Variants in RPTOR observed in about 807,000 individuals in gnomAD.
The protein encoded by RPTOR is regulatory-associated protein of mTOR.
A neutral mutation model predicts 169.9 loss-of-function variants in RPTOR; 21 were observed. The observed-to-expected ratio is 0.12, with a 90% CI of 0.09 to 0.18. RPTOR has a LOEUF of 0.18. Ranked by LOEUF, RPTOR falls within the 10% of genes least tolerant of loss-of-function variation. The probability of loss-of-function intolerance (pLI) is 1.00; values close to 1 mark genes in which losing one functional copy is unlikely to be tolerated. For missense variants in RPTOR, 1,133 were observed against 1,855.9 expected, an observed-to-expected ratio of 0.61 and a Z score of 7.16; for synonymous variants, 732 against 753.2, an observed-to-expected ratio of 0.97 and a Z score of 0.46.
chr17:80,746,548 C>T lies in RPTOR; in HGVS notation c.655-7462C>T, dbSNP rs2066577495. 6.6e-6 allele frequency among the ~76,000 whole-genome samples: 1 copy of T among 152,220 alleles called. No homozygotes were observed. The highest frequency in any genetic ancestry group is 2.4e-5 in the African/African-American group (1 of 41,460). ...TCCTTCCCAAATCCTCCAGAAGACT[C>T]TGGAGAGCATTGGAAGATGAGAGTC... On this transcript the variant is annotated intron_variant, in intron 5 of 33. Coordinates refer to ENST00000306801, the MANE Select transcript of RPTOR (RefSeq NM_020761.3). The surrounding 1 kb of genome is among the most constrained non-coding windows in gnomAD (Gnocchi z 4.5).
chr17:80,884,865 G>A, intron 16 of RPTOR, 143 bp from the exon 17 acceptor site: 1 of 1,135,256 alleles, frequency 8.8e-7, no homozygotes, highest in South Asian at 1.6e-5. Flanking sequence ...CACTCTGATA[G>A]TGCGAGGAGA....
Position 80,736,448 on chromosome 17 carries a change from C to T in RPTOR, c.654+5742C>T, listed in dbSNP as rs538199212. Among the ~76,000 whole-genome samples the T allele has an allele frequency of 2.0e-5, 3 of 152,310 alleles. No homozygotes were observed. The South Asian group carries it at 6.2e-4, about 32-fold the overall frequency. ...TGACTTAACCGCCCCCCGCCCCTAC[C>T]AATGTGAAAACCTATACTTAAACTG... On this transcript the variant is annotated intron_variant, in intron 5 of 33. Coordinates refer to ENST00000306801, the MANE Select transcript of RPTOR (RefSeq NM_020761.3).
In RPTOR at chr17:80,930,772, C is replaced by T. The variant is rs567112341; in HGVS notation, c.2919+5292C>T. The stretch of plus-strand genomic sequence containing the variant: ...CTTCTCTGACTTTGTTTCCACTCAG[C>T]CACCACCAGCTGGACTCTGGTGCTC... On this transcript the variant is annotated intron_variant, in intron 24 of 33. Coordinates refer to ENST00000306801, the MANE Select transcript of RPTOR (RefSeq NM_020761.3). Among the ~76,000 whole-genome samples the T allele has an allele frequency of 8.7e-4, 132 of 152,352 alleles. 1 individual carries two copies. Among genetic ancestry groups the T allele is most frequent in the African/African-American group, 2.9e-3 (121 of 41,586 alleles).
intron 9 of RPTOR, among the ~76,000 whole-genome samples, chr17:80,834,432 C>T (rs2067541148): frequency 6.6e-6 from 1 of 152,242 alleles, no homozygotes; most frequent in African/African-American, 2.4e-5. Context: ...CGAGCCACAG[C>T]CCTTCCTCCT....
At chr17:80,630,948 C>T (rs2065437299) in intron 2 of RPTOR, among the ~76,000 whole-genome samples, 1 of 152,168 alleles carries the variant, frequency 6.6e-6, no homozygotes, top group Admixed American at 6.5e-5. Flanking sequence ...TAGTCTTAGG[C>T]AGGCCCTGGG....
chr17:80,956,450 C>T (rs1027967529), intron 28 of RPTOR, among the ~76,000 whole-genome samples: 1 of 152,274 alleles, frequency 6.6e-6, no homozygotes, highest in Admixed American at 6.5e-5. Context: ...TCCGTCCATC[C>T]CTTGCTGACG....
At chr17:80,709,027 G>A in intron 4 of RPTOR, 2 of 985,490 alleles carry the variant, frequency 2.0e-6, no homozygotes, top group Non-Finnish European at 2.4e-6. Flanking sequence ...GGCACAGGTG[G>A]TGAAGCAGTG....
intron 11 of RPTOR, among the ~76,000 whole-genome samples, chr17:80,851,240 C>A (rs561267577): frequency 6.6e-6 from 1 of 152,194 alleles, no homozygotes; most frequent in Non-Finnish European, 1.5e-5. Flanking sequence ...CATGATTAAT[C>A]TTTAGTTTGG....
At chr17:80,918,897 T>C in intron 21 of RPTOR, among the ~76,000 whole-genome samples, 1 of 152,234 alleles carries the variant, frequency 6.6e-6, no homozygotes, top group Non-Finnish European at 1.5e-5. Flanking sequence ...TCAGCACTCA[T>C]GTCTATGTCG....
intron 11 of RPTOR, among the ~76,000 whole-genome samples, chr17:80,847,058 G>A (rs770148604): frequency 9.9e-5 from 15 of 152,250 alleles, no homozygotes; most frequent in Non-Finnish European, 1.6e-4. Flanking sequence ...GATACTGACC[G>A]GCGAAGCGGG....
intron 18 of RPTOR, among the ~76,000 whole-genome samples, chr17:80,892,099 C>T (rs113086544): frequency 9.9e-5 from 15 of 152,276 alleles, no homozygotes; most frequent in Middle Eastern, 3.4e-3. Context: ...TGAAGTATGA[C>T]AAAACTTCTG....
At chr17:80,870,765 G>C (rs781042380) in intron 13 of RPTOR, among the ~76,000 whole-genome samples, 2 of 152,180 alleles carry the variant, frequency 1.3e-5, no homozygotes, top group African/African-American at 4.8e-5. Context: ...TTTTAGAACA[G>C]TTTTAGATTT....
chr17:80,706,886 T>C (rs1228559578), intron 3 of RPTOR, among the ~76,000 whole-genome samples: 1 of 152,338 alleles, frequency 6.6e-6, no homozygotes, highest in East Asian at 1.9e-4. Flanking sequence ...ACGTCTTCTG[T>C]GTTTTCCAGG....
intron 3 of RPTOR, among the ~76,000 whole-genome samples, chr17:80,694,954 G>A (rs1216509269): frequency 2.0e-5 from 3 of 152,148 alleles, no homozygotes; most frequent in African/African-American, 4.8e-5. Context: ...ATCCAAGGAG[G>A]GTGAGGGTGC....
chr17:80,617,815 G>A (rs1298711659), intron 1 of RPTOR, among the ~76,000 whole-genome samples: 3 of 152,096 alleles, frequency 2.0e-5, no homozygotes, highest in Non-Finnish European at 2.9e-5. Flanking sequence ...GACTGGCTGC[G>A]CACGCTAGGC....
chr17:80,961,710 TC>T lies in RPTOR; in HGVS notation c.3692+232del, dbSNP rs886284421. 5 of 528,950 alleles carry T rather than the reference TC, an allele frequency of 9.5e-6. No homozygotes were observed. In the Admixed American group the frequency reaches 1.1e-4, roughly 11 times the overall value. 32.8% of individuals were successfully genotyped at this position (528,950 alleles called of 1,614,324 possible). On this transcript the variant is annotated intron_variant, in intron 31 of 33. Transcript: ENST00000306801. ...TGACCTGCAGGCGCTTTGGGAACTT[TC>T]CTGGGCTGCCAACTGCGGAGGGTTC... is the stretch of plus-strand genomic sequence containing the variant.
rs190322703 is a variant in RPTOR at position 80,782,334 on chromosome 17, G to A, written c.831-9116G>A. On this transcript the variant is annotated intron_variant, in intron 6 of 33. Transcript: ENST00000306801. ...CAGATGGCAGGAAAGATATAATGGT[G>A]GGTCATTTAAGTATTGGTTCTTTGT... 1.1e-4 allele frequency among the ~76,000 whole-genome samples: 17 copies of A among 152,060 alleles called. No homozygotes were observed. In the East Asian group the frequency reaches 3.1e-3, roughly 28 times the overall value.
intron 20 of RPTOR, among the ~76,000 whole-genome samples, chr17:80,896,428 CCAACACCCCACGGCCATGCCGACACCCCA>C (rs756226227): frequency 0.016 from 2,079 of 130,408 alleles, 106 homozygotes; most frequent in African/African-American, 0.037. Flanking sequence ...CACGGCCTCG[CCAACACCCCACGGCCATGCCGACACCCCA>C]CACGGCCGCA....
intron 21 of RPTOR, among the ~76,000 whole-genome samples, chr17:80,910,561 G>C (rs1348071068): frequency 6.6e-6 from 1 of 152,128 alleles, no homozygotes; most frequent in Non-Finnish European, 1.5e-5. Context: ...CGTTGCCTCG[G>C]GTATCACTCA....
Sources: gnomAD v4.1 joint callset for allele counts (sites outside exome capture counted in the v4.1 genomes callset) on GRCh38, gnomAD v4.1.1 for gene constraint, Gnocchi (gnomAD v3.1) non-coding constraint, MANE v1.5 for transcripts, NCBI Gene and HGNC (gene_info 2026-07-23, HGNC 2026-07-21) for gene names.